AGER: variants seen among roughly 807,000 people sequenced by gnomAD.
AGER encodes advanced glycation end product-specific receptor.
In AGER, 46 loss-of-function variants were observed where a neutral mutation model predicts 48.8. The observed-to-expected ratio is 0.94, with a 90% CI of 0.74 to 1.20. AGER has a LOEUF of 1.20. Among genes scored for constraint, AGER ranks in the 50% most tolerant of loss-of-function variants. The pLI is 0.00. For missense variants in AGER, 489 were observed against 515.0 expected, an observed-to-expected ratio of 0.95 and a Z score of 0.49; for synonymous variants, 170 against 199.9, an observed-to-expected ratio of 0.85 and a Z score of 1.26.
rs1561872833 is a variant in AGER, at chr6:32,182,330, T to C, written c.881A>G (p.Gln294Arg). ...PVLILPEIGP[Q>R]DQGTYSCVAT... ...CACACAGCTGTAGGTTCCCTGGTCCTGAGGCCCTATCTCAGGGAGGATCAG... is the reference window on the plus strand; with the variant it reads ...CACACAGCTGTAGGTTCCCTGGTCCCGAGGCCCTATCTCAGGGAGGATCAG... The change falls in exon 8 of 11, where the codon CAG (glutamine) becomes CGG (arginine). Residue 294 changes from glutamine (Q) to arginine (R), a missense_variant. By Grantham distance (43) the Gln-to-Arg change is conservative (BLOSUM62 1). Coordinates refer to ENST00000375076, the MANE Select transcript of AGER (RefSeq NM_001136.5). This position sits in a 1 kb window ranked among gnomAD's most constrained non-coding sequence, Gnocchi z 5.1. 6.2e-7 allele frequency: 1 copy of C among 1,612,496 alleles called. No homozygotes were observed. The highest frequency in any genetic ancestry group is 1.1e-5 in the South Asian group (1 of 91,072).
In AGER at chr6:32,182,042, T is replaced by C. The variant is rs751351599; in HGVS notation, c.964+205A>G. The C allele has an allele frequency of 8.6e-6, 7 of 817,160 alleles. No individual in the cohort carries two copies. Among genetic ancestry groups the C allele is most frequent in the Non-Finnish European group, 1.0e-5 (5 of 493,184 alleles). The allele number at this position is 817,160 out of a possible 1,614,324, so 50.6% of individuals were successfully genotyped here. ...GCCACCGCGCCCAGCCGTCTGTTCC[T>C]TTTTTTAGCTCAGAGGGAAGAAGGG... On this transcript the variant is annotated intron_variant, in intron 8 of 10. Transcript: ENST00000375076. This position sits in a 1 kb window ranked among gnomAD's most constrained non-coding sequence, Gnocchi z 5.1.
Position 32,183,914 on chromosome 6 carries a change from G to C in AGER, c.126C>G (p.Pro42=), listed in dbSNP as rs770224942. ...EPLVLKCKGA[P]KKPPQRLEWK... ...ATTCCAGCCGCTGGGGTGGTTTCTTGGGGGCCCCCTTACACTTCAGCACCA... is the reference window on the plus strand; with the variant it reads ...ATTCCAGCCGCTGGGGTGGTTTCTTCGGGGCCCCCTTACACTTCAGCACCA... Residue 42 remains proline (P), a synonymous_variant, in exon 2 of 11, where the codon CCC becomes CCG. Transcript: ENST00000375076. 33 of 1,613,050 alleles carry C rather than the reference G, an allele frequency of 2.0e-5. 1 individual carries two copies. In the Middle Eastern group the frequency reaches 6.6e-4, roughly 32 times the overall value.
Position 32,183,209 on chromosome 6 carries a change from AAG to A in AGER, c.421-10_421-9del, listed in dbSNP as rs1786575421. ...TGACACACATGTCCCCACCTGGGGAAAGAGTGGTGACCTCAGAATCCTTTGAA... is the reference window on the plus strand; with the variant it reads ...TGACACACATGTCCCCACCTGGGGAAAGTGGTGACCTCAGAATCCTTTGAA... On this transcript the variant is annotated splice_polypyrimidine_tract_variant and intron_variant, in intron 4 of 10. Coordinates refer to ENST00000375076, the MANE Select transcript of AGER (RefSeq NM_001136.5). 3 of 1,612,844 alleles carry A rather than the reference AAG, an allele frequency of 1.9e-6. No individual in the cohort carries two copies. The highest frequency in any genetic ancestry group is 1.7e-6 in the Non-Finnish European group (2 of 1,179,776).
In AGER at chr6:32,181,188, C is replaced by G; in HGVS notation, c.1170G>C (p.Gln390His). 1 of 1,614,222 alleles carries G rather than the reference C, an allele frequency of 6.2e-7. No homozygotes were observed. Among genetic ancestry groups the G allele is most frequent in the Non-Finnish European group, 8.5e-7 (1 of 1,180,040 alleles). The change falls in exon 11 of 11, where the codon CAG (glutamine) becomes CAC (histidine). Residue 390 changes from glutamine to histidine, a missense_variant. Gln to His is a conservative substitution (Grantham distance 24). Coordinates refer to ENST00000375076, the MANE Select transcript of AGER (RefSeq NM_001136.5). The surrounding 1 kb of genome is among the most constrained non-coding windows in gnomAD (Gnocchi z 4.1). ...TCTCGCCTGCCTCAGGTTCCTCCGA[C>G]TGATTCAGTTCTGCACGCTCCTCCT... ...EEEEERAELNQSEEPEAGESS... is the reference protein window; with the variant it reads ...EEEEERAELNHSEEPEAGESS...
Position 32,183,310 on chromosome 6 carries a change from C to T in AGER, c.420+14G>A. ...ACAGGGCCGTTTTCTACTTCTCCTG[C>T]TTTCTTCCACTACCTTATTGGGAAC... is the stretch of plus-strand genomic sequence containing the variant. On this transcript the variant is annotated intron_variant, in intron 4 of 10. Coordinates refer to ENST00000375076, the MANE Select transcript of AGER (RefSeq NM_001136.5). 1 of 1,613,170 alleles carries T rather than the reference C, an allele frequency of 6.2e-7. No homozygotes were observed. The highest frequency in any genetic ancestry group is 8.5e-7 in the Non-Finnish European group (1 of 1,180,030).
In AGER at chr6:32,183,684, CCA is replaced by C; in HGVS notation, c.224_225del (p.Val75GlyfsTer19). ...AGGGAGCCGTTGGGAAGGACACGAG[CCA>C]CACTGTCCCAGGGGCCTCCTCCCTG... ...SPQGGGPWDSVARVLPNGSLF... is the reference protein window; with the variant it reads ...SPQGGGPWDSXARVLPNGSLF... On this transcript the variant is annotated frameshift_variant, in exon 3 of 11. Coordinates refer to ENST00000375076, the MANE Select transcript of AGER (RefSeq NM_001136.5). LOFTEE classifies it high-confidence loss of function. 1 of 1,613,108 alleles carries C rather than the reference CCA, an allele frequency of 6.2e-7. No homozygotes were observed. The highest frequency in any genetic ancestry group is 8.5e-7 in the Non-Finnish European group (1 of 1,180,048).
chr6:32,183,815 G>A lies in AGER; in HGVS notation c.160-65C>T, dbSNP rs1461225326. 3.7e-6 allele frequency: 6 copies of A among 1,611,632 alleles called. No homozygotes were observed. The East Asian group carries it at 6.7e-5, about 18-fold the overall frequency. On this transcript the variant is annotated intron_variant, in intron 2 of 10. Transcript: ENST00000375076. Reference sequence around the variant, plus strand: ...TTGGGAAAGGACTGTGAGGCAGAGTGACGGGGATCCAAATCATTGCTGGTC... The same window carrying A: ...TTGGGAAAGGACTGTGAGGCAGAGTAACGGGGATCCAAATCATTGCTGGTC...
At position 32,181,424 on chromosome 6, in the gene AGER, C is replaced by A; in HGVS notation, c.1045G>T (p.Gly349Ter). 1 of 1,613,344 alleles carries A rather than the reference C, an allele frequency of 6.2e-7. No individual in the cohort carries two copies. The highest frequency in any genetic ancestry group is 8.5e-7 in the Non-Finnish European group (1 of 1,179,818). Reference protein sequence around the residue: ...GTLALALGILGGLGTAALLIG... With the variant: ...GTLALALGIL ...AGCAGGGCGGCTGTCCCCAGGCCTCCCAGGATCCCCAGGGCCAGGGCTAGA... is the reference window on the plus strand; with the variant it reads ...AGCAGGGCGGCTGTCCCCAGGCCTCACAGGATCCCCAGGGCCAGGGCTAGA... The change falls in exon 10 of 11, where the codon GGA (glycine) becomes TGA (stop). Residue 349 changes from glycine to a stop codon, truncating the protein, a stop_gained. Coordinates refer to ENST00000375076, the MANE Select transcript of AGER (RefSeq NM_001136.5). LOFTEE classifies it high-confidence loss of function. This position sits in a 1 kb window ranked among gnomAD's most constrained non-coding sequence, Gnocchi z 4.1.
intron 1 of AGER, 91 bp downstream of exon 1, chr6:32,184,080 T>C: frequency 6.2e-7 from 1 of 1,607,326 alleles, no homozygotes; most frequent in Non-Finnish European, 8.5e-7. Flanking sequence ...AGGCACTTCC[T>C]CGGGTTCTGG....
At position 32,182,093 on chromosome 6, in the gene AGER, A is replaced by T; in HGVS notation, c.964+154T>A. 1 of 1,091,516 alleles carries T rather than the reference A, an allele frequency of 9.2e-7. No individual in the cohort carries two copies. The highest frequency in any genetic ancestry group is 1.4e-6 in the Non-Finnish European group (1 of 735,120). The allele number at this position is 1,091,516 out of a possible 1,614,324, so 67.6% of individuals were successfully genotyped here. ...AGAGGCTTGGCTGCTCTCTTGGCAG[A>T]ATTTGGGTGGGGCAGGGGAGGCTTG... is the stretch of plus-strand genomic sequence containing the variant. On this transcript the variant is annotated intron_variant, in intron 8 of 10. Coordinates refer to ENST00000375076, the MANE Select transcript of AGER (RefSeq NM_001136.5). This position sits in a 1 kb window ranked among gnomAD's most constrained non-coding sequence, Gnocchi z 5.1.
rs776279123 is a variant in AGER, at chr6:32,183,211, G to C, written c.421-10C>G. The C allele has an allele frequency of 1.2e-6, 2 of 1,612,720 alleles. No individual in the cohort carries two copies. Among genetic ancestry groups the C allele is most frequent in the African/African-American group, 2.7e-5 (2 of 74,894 alleles). On this transcript the variant is annotated splice_polypyrimidine_tract_variant and intron_variant, in intron 4 of 10. Transcript: ENST00000375076. Reference sequence around the variant, plus strand: ...ACACACATGTCCCCACCTGGGGAAAGAGTGGTGACCTCAGAATCCTTTGAA... The same window carrying C: ...ACACACATGTCCCCACCTGGGGAAACAGTGGTGACCTCAGAATCCTTTGAA...
intron 2 of AGER, 44 bp from the exon 3 acceptor site, chr6:32,183,794 G>T: frequency 6.2e-7 from 1 of 1,611,564 alleles, no homozygotes; most frequent in Non-Finnish European, 8.5e-7. Flanking sequence ...AGGCCTTTGG[G>T]AAAGGACTGT....
Position 32,181,642 on chromosome 6 carries a change from A to G in AGER, c.965-10T>C. On this transcript the variant is annotated splice_polypyrimidine_tract_variant and intron_variant, in intron 8 of 10. Transcript: ENST00000375076. This position sits in a 1 kb window ranked among gnomAD's most constrained non-coding sequence, Gnocchi z 4.1. ...CCCTCCTCGCCTGGTTCTGGAAGAC[A>G]AAGTTGGATCCAGTCAGAAAGGAAG... 6.2e-7 allele frequency: 1 copy of G among 1,612,970 alleles called. No individual in the cohort carries two copies. Among genetic ancestry groups the G allele is most frequent in the Non-Finnish European group, 8.5e-7 (1 of 1,179,982 alleles).
At chr6:32,184,096 G>C (rs1786779245) in intron 1 of AGER, 75 bp downstream of exon 1, 1 of 1,606,088 alleles carries the variant, frequency 6.2e-7, no homozygotes, top group Non-Finnish European at 8.5e-7. Context: ...TCTGGGAAAA[G>C]TTCTAGGACG....
chr6:32,182,647 G>C lies in AGER; in HGVS notation c.743C>G (p.Ala248Gly), dbSNP rs376859625. The C allele has an allele frequency of 6.2e-7, 1 of 1,612,876 alleles. No individual in the cohort carries two copies. The highest frequency in any genetic ancestry group is 8.5e-7 in the Non-Finnish European group (1 of 1,179,870). Residue 248 changes from alanine (A) to glycine (G), a missense_variant, in exon 7 of 11, where the codon GCA (alanine) becomes GGA (glycine). By Grantham distance (60) the Ala-to-Gly change is moderately conservative. Coordinates refer to ENST00000375076, the MANE Select transcript of AGER (RefSeq NM_001136.5). This position sits in a 1 kb window ranked among gnomAD's most constrained non-coding sequence, Gnocchi z 5.1. ...VQLVVEPEGG[A>G]VAPGGTVTLT... ...GGTTACGGTTCCACCAGGAGCTACT[G>C]CTCCACCTTCTGGCTCCACCACCAA... is the stretch of plus-strand genomic sequence containing the variant.
At position 32,183,687 on chromosome 6, in the gene AGER, C is replaced by T; in HGVS notation, c.223G>A (p.Val75Met). ...GAGCCGTTGGGAAGGACACGAGCCACACTGTCCCAGGGGCCTCCTCCCTGG... is the reference window on the plus strand; with the variant it reads ...GAGCCGTTGGGAAGGACACGAGCCATACTGTCCCAGGGGCCTCCTCCCTGG... Reference protein sequence around the residue: ...SPQGGGPWDSVARVLPNGSLF... With the variant: ...SPQGGGPWDSMARVLPNGSLF... Residue 75 changes from valine to methionine, a missense_variant, in exon 3 of 11, where the codon GTG becomes ATG. Coordinates refer to ENST00000375076, the MANE Select transcript of AGER (RefSeq NM_001136.5). 6.2e-7 allele frequency: 1 copy of T among 1,613,110 alleles called. No homozygotes were observed. Among genetic ancestry groups the T allele is most frequent in the Non-Finnish European group, 8.5e-7 (1 of 1,180,026 alleles).
In AGER at chr6:32,181,496, A is replaced by T. The variant is rs777507435; in HGVS notation, c.992-19T>A. ...ACAGAGCCTGTACGGAGACAGGGAA[A>T]ATTGAGAGCACAGCCACCACCACTC... On this transcript the variant is annotated intron_variant, in intron 9 of 10. Transcript: ENST00000375076. This position sits in a 1 kb window ranked among gnomAD's most constrained non-coding sequence, Gnocchi z 4.1. The T allele has an allele frequency of 6.2e-7, 1 of 1,613,122 alleles. No homozygotes were observed. Among genetic ancestry groups the T allele is most frequent in the South Asian group, 1.1e-5 (1 of 91,078 alleles).
chr6:32,181,396 A>T lies in AGER; in HGVS notation c.1073T>A (p.Ile358Asn). 1 of 1,613,286 alleles carries T rather than the reference A, an allele frequency of 6.2e-7. No individual in the cohort carries two copies. The highest frequency in any genetic ancestry group is 8.5e-7 in the Non-Finnish European group (1 of 1,179,566). The change falls in exon 10 of 11, where the codon ATT becomes AAT. Residue 358 changes from isoleucine to asparagine, a missense_variant. Ile to Asn is a moderately radical substitution (Grantham distance 149, BLOSUM62 -3). Transcript: ENST00000375076. This position sits in a 1 kb window ranked among gnomAD's most constrained non-coding sequence, Gnocchi z 4.1. ...LGGLGTAALLIGVILWQRRQR... is the reference protein window; with the variant it reads ...LGGLGTAALLNGVILWQRRQR... Reference sequence around the variant, plus strand: ...CCGCCTTTGCCACAAGATGACCCCAATGAGCAGGGCGGCTGTCCCCAGGCC... The same window carrying T: ...CCGCCTTTGCCACAAGATGACCCCATTGAGCAGGGCGGCTGTCCCCAGGCC...
intron 1 of AGER, 34 bp from the exon 2 acceptor site, chr6:32,184,021 G>A: frequency 3.1e-6 from 5 of 1,612,768 alleles, no homozygotes; most frequent in Non-Finnish European, 4.2e-6. Flanking sequence ...GGGGTAGGAA[G>A]GGAATGAGGG....
Sources: allele counts gnomAD v4.1 joint callset, GRCh38; gene constraint gnomAD v4.1.1; non-coding constraint Gnocchi (gnomAD v3.1); transcripts MANE v1.5; gene names NCBI Gene and HGNC (gene_info 2026-07-23, HGNC 2026-07-21).